The following ITPR1 variants were observed in gnomAD, a reference collection of about 807,000 sequenced individuals.
ITPR1 encodes inositol 1,4,5-trisphosphate-gated calcium channel ITPR1.
Under a neutral mutation model 318.4 loss-of-function variants are expected in ITPR1, and 96 were observed. The observed-to-expected ratio is 0.30, with a 90% CI of 0.26 to 0.36. ITPR1 has a LOEUF of 0.36. ITPR1 is among the 10% of genes least tolerant of loss of function. The pLI is 1.00. For missense variants in ITPR1, 2,440 were observed against 3,460.2 expected (o/e 0.71, Z 7.40); for synonymous variants, 1,312 against 1,289.9 (o/e 1.02, Z -0.37).
intron 42 of ITPR1, among the ~76,000 whole-genome samples, chr3:4,730,277 G>GTGTGTGTGTGTGTA (rs1210154860): frequency 6.7e-5 from 4 of 59,472 alleles, no homozygotes; most frequent in African/African-American, 1.8e-4. Context: ...CAGTTTAATT[G>GTGTGTGTGTGTGTA]TGTGTGTGTG....
chr3:4,787,903 G>C, intron 51 of ITPR1, 44 bp from the exon 52 acceptor site: 1 of 1,399,934 alleles, frequency 7.1e-7, no homozygotes, highest in East Asian at 2.4e-5. Flanking sequence ...TTAGTAAAAG[G>C]TTTCAAAGAT....
intron 4 of ITPR1, among the ~76,000 whole-genome samples, chr3:4,590,238 A>G (rs1475285885): frequency 1.7e-5 from 2 of 118,408 alleles, no homozygotes; most frequent in Non-Finnish European, 3.3e-5. Context: ...ATGTCGTGTT[A>G]CTTCCTTACT....
intron 44 of ITPR1, among the ~76,000 whole-genome samples, chr3:4,743,371 T>C (rs1334852428): frequency 6.6e-6 from 1 of 152,262 alleles, no homozygotes; most frequent in African/African-American, 2.4e-5. Context: ...TGAGCCCTCC[T>C]GCAGAAGAAG....
chr3:4,806,065 A>G, intron 54 of ITPR1, 38 bp from the exon 55 acceptor site: 3 of 1,565,914 alleles, frequency 1.9e-6, no homozygotes, highest in Non-Finnish European at 2.6e-6. Context: ...AGTTTGGCAC[A>G]GTCCGTGCCA....
At chr3:4,607,070 C>T (rs2125092013) in intron 4 of ITPR1, among the ~76,000 whole-genome samples, 1 of 152,218 alleles carries the variant, frequency 6.6e-6, no homozygotes, top group South Asian at 2.1e-4. Context: ...ATATCGAAGG[C>T]CTCTGGATAT....
At chr3:4,522,760 A>G (rs951497943) in intron 4 of ITPR1, among the ~76,000 whole-genome samples, 11 of 152,250 alleles carry the variant, frequency 7.2e-5, no homozygotes, top group Non-Finnish European at 1.5e-4. Flanking sequence ...AGATCAATTG[A>G]CTGTGCCAGG....
intron 4 of ITPR1, among the ~76,000 whole-genome samples, chr3:4,562,510 G>A (rs1223563999): frequency 6.6e-6 from 1 of 152,136 alleles, no homozygotes; most frequent in African/African-American, 2.4e-5. Flanking sequence ...ACTTAGGAAG[G>A]ACTATCTGGC....
chr3:4,587,143 G>A (rs1348376089), intron 4 of ITPR1, among the ~76,000 whole-genome samples: 4 of 152,138 alleles, frequency 2.6e-5, no homozygotes, highest in African/African-American at 4.8e-5. Flanking sequence ...CTTTGCAGGT[G>A]TACTGTGTGA....
intron 10 of ITPR1, 145 bp from the exon 11 acceptor site, chr3:4,651,978 A>G: frequency 1.5e-6 from 1 of 675,476 alleles, no homozygotes; most frequent in Non-Finnish European, 2.7e-6. Context: ...TACACGTGAC[A>G]CTGGCAATGG....
At chr3:4,496,166 G>C (rs1309822021) in intron 2 of ITPR1, among the ~76,000 whole-genome samples, 2 of 152,214 alleles carry the variant, frequency 1.3e-5, no homozygotes, top group East Asian at 3.8e-4. Context: ...AGGTTAAAAG[G>C]ATCAGGCGTT....
intron 61 of ITPR1, among the ~76,000 whole-genome samples, chr3:4,837,928 T>C (rs1435651444): frequency 6.6e-6 from 1 of 152,204 alleles, no homozygotes; most frequent in African/African-American, 2.4e-5. Flanking sequence ...GATTATAGTG[T>C]TGCACAGCAA....
intron 4 of ITPR1, among the ~76,000 whole-genome samples, chr3:4,623,977 A>G (rs895591521): frequency 6.6e-6 from 1 of 152,206 alleles, no homozygotes; most frequent in African/African-American, 2.4e-5. Flanking sequence ...CCTTAGGGGA[A>G]TGTAAAGTTA....
At position 4,779,709 on chromosome 3, in the gene ITPR1, C is replaced by G. The variant is rs2046699094; in HGVS notation, c.6387+64C>G. Reference sequence around the variant, plus strand: ...CATTGCGACGATATTTGGGACAGAGCAGAGGATCTGCTTCCTGGAGCTTTC... The same window carrying G: ...CATTGCGACGATATTTGGGACAGAGGAGAGGATCTGCTTCCTGGAGCTTTC... On this transcript the variant is annotated intron_variant, in intron 49 of 61. Coordinates refer to ENST00000649015, the MANE Select transcript of ITPR1 (RefSeq NM_001378452.1). This position sits in a 1 kb window ranked among gnomAD's most constrained non-coding sequence, Gnocchi z 4.0. The G allele has an allele frequency of 8.7e-6, 10 of 1,147,326 alleles. No individual in the cohort carries two copies. The highest frequency in any genetic ancestry group is 1.5e-5 in the African/African-American group (1 of 65,974). 71.1% of individuals were successfully genotyped at this position (1,147,326 alleles called of 1,614,324 possible).
chr3:4,613,135 G>A (rs574014880), intron 4 of ITPR1, among the ~76,000 whole-genome samples: 1 of 152,194 alleles, frequency 6.6e-6, no homozygotes, highest in Admixed American at 6.5e-5. Flanking sequence ...ATGTACGTTG[G>A]TTGGGTCCAG....
intron 4 of ITPR1, among the ~76,000 whole-genome samples, chr3:4,590,232 C>T (rs1303818774): frequency 7.8e-6 from 1 of 127,962 alleles, no homozygotes; most frequent in Non-Finnish European, 1.6e-5. Context: ...CACTGTATGT[C>T]GTGTTACTTC....
rs551335646 is a variant in ITPR1 at position 4,822,077 on chromosome 3, G to A, written c.8028+3835G>A. Among the ~76,000 whole-genome samples, 63 of 152,264 alleles carry A rather than the reference G, an allele frequency of 4.1e-4. 1 individual carries two copies. The highest frequency in any genetic ancestry group is 4.6e-4 in the Admixed American group (7 of 15,298). On this transcript the variant is annotated intron_variant, in intron 60 of 61. Coordinates refer to ENST00000649015, the MANE Select transcript of ITPR1 (RefSeq NM_001378452.1). ...TTTCCGCTCTGTGCCTTCCCTCGCC[G>A]TGTGACCCTGGGCAAGTCACGGGAC...
chr3:4,563,587 G>T (rs955904202), intron 4 of ITPR1, among the ~76,000 whole-genome samples: 3 of 152,178 alleles, frequency 2.0e-5, no homozygotes, highest in South Asian at 2.1e-4. Context: ...TATTAGCCAC[G>T]TGAAGTTTGG....
intron 60 of ITPR1, among the ~76,000 whole-genome samples, chr3:4,819,673 G>A (rs1031122037): frequency 1.3e-5 from 2 of 152,170 alleles, no homozygotes; most frequent in East Asian, 1.9e-4. Flanking sequence ...TTAAAGTTAC[G>A]CTCCATGGGG....
At position 4,670,937 on chromosome 3, in the gene ITPR1, C is replaced by A; in HGVS notation, c.2204+11C>A. Reference sequence around the variant, plus strand: ...TCTCAGCTACTACAGGTGCGTGGGACACGTGTGGGGCTCAGATTGGGGTGC... The same window carrying A: ...TCTCAGCTACTACAGGTGCGTGGGAAACGTGTGGGGCTCAGATTGGGGTGC... On this transcript the variant is annotated intron_variant, in intron 20 of 61. Transcript: ENST00000649015. The A allele has an allele frequency of 1.3e-6, 2 of 1,536,594 alleles. No homozygotes were observed. Among genetic ancestry groups the A allele is most frequent in the Non-Finnish European group, 8.8e-7 (1 of 1,141,314 alleles).
Sources: allele counts gnomAD v4.1 joint callset (sites outside exome capture counted in the v4.1 genomes callset), GRCh38; gene constraint gnomAD v4.1.1; non-coding constraint Gnocchi (gnomAD v3.1); transcripts MANE v1.5; gene names NCBI Gene and HGNC (gene_info 2026-07-23, HGNC 2026-07-21).